RRAGC: variants seen among roughly 807,000 people sequenced by gnomAD.
RRAGC encodes the protein ras-related GTP-binding protein C.
A neutral mutation model predicts 37.1 loss-of-function variants in RRAGC; 8 were observed. That is an observed-to-expected ratio of 0.22 (90% CI 0.13 to 0.39). The LOEUF is 0.39. Among genes scored for constraint, RRAGC ranks in the 10% least tolerant of loss-of-function variants. The pLI is 1.00. For missense variants in RRAGC, 342 were observed against 497.6 expected (o/e 0.69, Z 2.98); for synonymous variants, 190 against 181.1 (o/e 1.05, Z -0.39).
intron 6 of RRAGC, 149 bp downstream of exon 6, chr1:38,845,790 T>C (rs1195391750): frequency 1.6e-6 from 1 of 607,998 alleles, no homozygotes; most frequent in African/African-American, 1.9e-5. Flanking sequence ...GGACTATACA[T>C]GGAAGGAAAG....
intron 6 of RRAGC, among the ~76,000 whole-genome samples, chr1:38,844,318 G>A (rs1409233264): frequency 6.6e-6 from 1 of 152,010 alleles, no homozygotes; most frequent in Non-Finnish European, 1.5e-5. Flanking sequence ...ACGAGAGCAT[G>A]ATCCCAAGTC....
At chr1:38,848,535 T>C (rs1336101614) in intron 5 of RRAGC, among the ~76,000 whole-genome samples, 1 of 152,202 alleles carries the variant, frequency 6.6e-6, no homozygotes, top group African/African-American at 2.4e-5. Context: ...TAGAGTGACT[T>C]GATTTGGCTG....
intron 6 of RRAGC, among the ~76,000 whole-genome samples, chr1:38,842,278 AT>A (rs1641973943): frequency 2.0e-5 from 3 of 152,232 alleles, no homozygotes; most frequent in African/African-American, 7.2e-5. Context: ...TCTCAAAAAA[AT>A]AAATAAACAA....
At chr1:38,852,318 A>T in intron 4 of RRAGC, 56 bp downstream of exon 4, 1 of 980,424 alleles carries the variant, frequency 1.0e-6, no homozygotes, top group South Asian at 1.3e-5. Flanking sequence ...ACACAAATAT[A>T]TTCCCAAAAA....
At chr1:38,850,735 A>G (rs1346762445) in intron 5 of RRAGC, among the ~76,000 whole-genome samples, 2 of 152,176 alleles carry the variant, frequency 1.3e-5, no homozygotes, top group Non-Finnish European at 2.9e-5. Flanking sequence ...TAGAAAGCAA[A>G]GATAATGCTA....
intron 5 of RRAGC, 165 bp from the exon 6 acceptor site, chr1:38,846,252 C>A: frequency 1.8e-6 from 1 of 566,926 alleles, no homozygotes; most frequent in Non-Finnish European, 3.1e-6. Flanking sequence ...TTCCTAAACA[C>A]AGAATTTCAG....
At position 38,855,696 on chromosome 1, in the gene RRAGC, A is replaced by G. The variant is rs1642159701; in HGVS notation, c.641+12T>C. 6.2e-7 allele frequency: 1 copy of G among 1,608,222 alleles called. No homozygotes were observed. The highest frequency in any genetic ancestry group is 1.3e-5 in the African/African-American group (1 of 74,934). On this transcript the variant is annotated intron_variant, in intron 3 of 6. Coordinates refer to ENST00000373001, the MANE Select transcript of RRAGC (RefSeq NM_022157.4). ...TGTTCAGGGCTTTCATATCAAACAC[A>G]CATGTTGTTACCTAAGATGGAGTTT...
intron 5 of RRAGC, among the ~76,000 whole-genome samples, chr1:38,850,382 C>T (rs1198471176): frequency 1.3e-5 from 2 of 151,686 alleles, no homozygotes; most frequent in African/African-American, 4.8e-5. Flanking sequence ...GGCGTTGTGG[C>T]GGGCACCTGT....
At chr1:38,857,303 T>TAA (rs1642179353) in intron 1 of RRAGC, among the ~76,000 whole-genome samples, 1 of 152,202 alleles carries the variant, frequency 6.6e-6, no homozygotes, top group South Asian at 2.1e-4. Context: ...AGCTAAATCT[T>TAA]TTCTCCTATG....
In RRAGC at chr1:38,859,710, TC is replaced by T; in HGVS notation, c.-65del. On this transcript the variant is annotated 5_prime_UTR_variant, in exon 1 of 7. Transcript: ENST00000373001. ...GGCCAGGCCGAGCCAGGCCGCCGCC[TC>T]CCCAGTCCGCCTCCGCCGCCGCCGC... 1 of 1,242,448 alleles carries T rather than the reference TC, an allele frequency of 8.0e-7. No individual in the cohort carries two copies. The allele number at this position is 1,242,448 out of a possible 1,614,324, so 77.0% of individuals were successfully genotyped here.
chr1:38,849,818 C>T (rs979525779), intron 5 of RRAGC, among the ~76,000 whole-genome samples: 6 of 152,072 alleles, frequency 3.9e-5, no homozygotes, highest in African/African-American at 1.2e-4. Flanking sequence ...AAAAAGCAAA[C>T]GTTCTACTCA....
intron 6 of RRAGC, among the ~76,000 whole-genome samples, chr1:38,840,107 C>T (rs1641946094): frequency 1.4e-5 from 2 of 137,954 alleles, no homozygotes; most frequent in Non-Finnish European, 3.0e-5. Flanking sequence ...AAGATTGCAC[C>T]ATTGCATTCC....
intron 5 of RRAGC, among the ~76,000 whole-genome samples, chr1:38,849,595 G>C (rs528886446): frequency 7.1e-4 from 108 of 152,198 alleles, no homozygotes; most frequent in Middle Eastern, 6.8e-3. Context: ...GGCTGAGGCA[G>C]GAGAACTGCT....
intron 6 of RRAGC, among the ~76,000 whole-genome samples, chr1:38,840,676 T>C (rs1641952801): frequency 6.6e-6 from 1 of 151,720 alleles, no homozygotes; most frequent in South Asian, 2.1e-4. Context: ...ACAAGAAAAC[T>C]GCAGGGACCT....
chr1:38,859,395 C>T lies in RRAGC; in HGVS notation c.237+15G>A. 6.5e-7 allele frequency: 1 copy of T among 1,546,166 alleles called. No homozygotes were observed. Among genetic ancestry groups the T allele is most frequent in the Non-Finnish European group, 8.7e-7 (1 of 1,145,182 alleles). On this transcript the variant is annotated intron_variant, in intron 1 of 6. Transcript: ENST00000373001. ...ACCGGGGAGGGGGCGGGGGACTGGGCGCAGCCCTGCTCACCTTCTGGATGG... is the reference window on the plus strand; with the variant it reads ...ACCGGGGAGGGGGCGGGGGACTGGGTGCAGCCCTGCTCACCTTCTGGATGG...
chr1:38,859,187 C>G (rs1925679), intron 1 of RRAGC, among the ~76,000 whole-genome samples: 77,292 of 152,212 alleles, frequency 0.51, 22,603 homozygotes, highest in Non-Finnish European at 0.66. Context: ...CTCCCGGCAA[C>G]CAGTTTCGCC....
intron 6 of RRAGC, among the ~76,000 whole-genome samples, chr1:38,842,628 T>A (rs144522512): frequency 0.011 from 1,657 of 152,240 alleles, 29 homozygotes; most frequent in African/African-American, 0.036. Flanking sequence ...TCTTTATTAG[T>A]CAAAAGATAT....
intron 5 of RRAGC, among the ~76,000 whole-genome samples, chr1:38,848,312 T>G (rs1300571515): frequency 6.6e-6 from 1 of 152,072 alleles, no homozygotes; most frequent in Non-Finnish European, 1.5e-5. Context: ...TGTAGATCTT[T>G]TTCTGTGCCA....
At chr1:38,850,193 G>A (rs760255543) in intron 5 of RRAGC, among the ~76,000 whole-genome samples, 6 of 149,174 alleles carry the variant, frequency 4.0e-5, no homozygotes, top group African/African-American at 1.2e-4. Context: ...GCAACAGAGC[G>A]AGACTCTTTT....
Sources: allele counts gnomAD v4.1 joint callset (sites outside exome capture counted in the v4.1 genomes callset), GRCh38; gene constraint gnomAD v4.1.1; transcripts MANE v1.5; gene names NCBI Gene and HGNC (gene_info 2026-07-23, HGNC 2026-07-21).